RNF216: variants seen among roughly 807,000 people sequenced by gnomAD.
RNF216 encodes the protein E3 ubiquitin-protein ligase RNF216.
Under a neutral mutation model 110.8 loss-of-function variants are expected in RNF216, and 72 were observed. That is an observed-to-expected ratio of 0.65 (90% CI 0.54 to 0.79). The LOEUF (loss-of-function observed/expected upper bound fraction) is 0.79. RNF216 is among the 30% of genes least tolerant of loss of function. RNF216 has a pLI of 0.00. For missense variants in RNF216, 1,342 were observed against 1,141.2 expected (o/e 1.18, Z -2.54); for synonymous variants, 495 against 407.5 (o/e 1.21, Z -2.59).
At chr7:5,671,917 G>T (rs1789945357) in intron 13 of RNF216, among the ~76,000 whole-genome samples, 1 of 151,910 alleles carries the variant, frequency 6.6e-6, no homozygotes, top group Non-Finnish European at 1.5e-5. Flanking sequence ...AAGGAGAGGG[G>T]CCTCACAAGA....
At chr7:5,625,116 C>T (rs1786626805) in intron 15 of RNF216, among the ~76,000 whole-genome samples, 1 of 152,202 alleles carries the variant, frequency 6.6e-6, no homozygotes. Context: ...AGGTGTGGGC[C>T]CGAGGGGGCT....
chr7:5,739,533 A>G (rs1794632469), intron 4 of RNF216, 181 bp from the exon 5 acceptor site: 1 of 692,708 alleles, frequency 1.4e-6, no homozygotes, highest in African/African-American at 1.8e-5. Context: ...TACATAGAAG[A>G]TGAGGTCTAG....
chr7:5,737,367 C>T lies in RNF216; in HGVS notation c.1121+1909G>A, dbSNP rs193091619. 2.6e-5 allele frequency among the ~76,000 whole-genome samples: 4 copies of T among 152,220 alleles called. No individual in the cohort carries two copies. The East Asian group carries it at 7.7e-4, about 29-fold the overall frequency. ...TCACCACTCCCTAATCTCAAGTACC[C>T]AGGGACACAAACACTGCGGAAGACC... On this transcript the variant is annotated intron_variant, in intron 5 of 16. Coordinates refer to ENST00000389902, the MANE Select transcript of RNF216 (RefSeq NM_207111.4).
intron 7 of RNF216, among the ~76,000 whole-genome samples, chr7:5,726,061 G>A (rs1266277248): frequency 6.6e-6 from 1 of 152,100 alleles, no homozygotes. Flanking sequence ...TGGATCACTT[G>A]AGCTTAGGTG....
chr7:5,705,765 G>T (rs1792238825), intron 13 of RNF216, among the ~76,000 whole-genome samples: 2 of 152,094 alleles, frequency 1.3e-5, no homozygotes, highest in South Asian at 4.1e-4. Flanking sequence ...ACATTAGCCG[G>T]GCGTGGTGGC....
chr7:5,737,168 T>C (rs1158517348), intron 5 of RNF216, among the ~76,000 whole-genome samples: 4 of 152,246 alleles, frequency 2.6e-5, no homozygotes, highest in Admixed American at 2.6e-4. Context: ...TCCATTTTGT[T>C]CTGTACTAAG....
At chr7:5,726,815 G>A (rs553772639) in intron 7 of RNF216, among the ~76,000 whole-genome samples, 6 of 151,118 alleles carry the variant, frequency 4.0e-5, no homozygotes, top group South Asian at 4.2e-4. Context: ...CTGAGATCGC[G>A]CCACTGCACT....
At chr7:5,745,594 A>C (rs879655010) in intron 3 of RNF216, among the ~76,000 whole-genome samples, 2 of 152,130 alleles carry the variant, frequency 1.3e-5, no homozygotes, top group Non-Finnish European at 2.9e-5. Flanking sequence ...GATTGAGTAT[A>C]AAATTAATGT....
At chr7:5,715,329 G>T in intron 10 of RNF216, 139 bp from the exon 11 acceptor site, 2 of 726,766 alleles carry the variant, frequency 2.8e-6, no homozygotes, top group South Asian at 1.8e-5. Flanking sequence ...ATAAAACAAT[G>T]ATATGCTGTT....
chr7:5,645,207 G>A (rs991606258), intron 14 of RNF216, among the ~76,000 whole-genome samples: 20 of 151,998 alleles, frequency 1.3e-4, no homozygotes, highest in Non-Finnish European at 2.6e-4. Flanking sequence ...ATGTGTCGTG[G>A]TGTGGACTTC....
chr7:5,620,153 G>C lies in RNF216; in HGVS notation c.*2707C>G, dbSNP rs577154563. 9 of 152,372 alleles carry C rather than the reference G, an allele frequency of 5.9e-5. No individual in the cohort carries two copies. In the South Asian group the frequency reaches 1.9e-3, roughly 32 times the overall value. 9.4% of individuals were successfully genotyped at this position (152,372 alleles called of 1,614,324 possible). A position where few individuals can be genotyped will look rare whatever the true frequency, so the allele number is the denominator to read the frequency against. ...ATTATTTTATCTATTTTTACTACCAGAAGGTAAAGAAAAAGTTTAATGAAC... is the reference window on the plus strand; with the variant it reads ...ATTATTTTATCTATTTTTACTACCACAAGGTAAAGAAAAAGTTTAATGAAC... On this transcript the variant is annotated 3_prime_UTR_variant, in exon 17 of 17. Transcript: ENST00000389902.
chr7:5,690,357 C>G (rs1355782234), intron 13 of RNF216, among the ~76,000 whole-genome samples: 1 of 151,782 alleles, frequency 6.6e-6, no homozygotes, highest in East Asian at 1.9e-4. Context: ...TTTAAAGATC[C>G]TTTTTACTTC....
chr7:5,764,126 G>C (rs1328101818), intron 1 of RNF216, among the ~76,000 whole-genome samples: 2 of 151,918 alleles, frequency 1.3e-5, no homozygotes, highest in Non-Finnish European at 2.9e-5. Flanking sequence ...GGGAGGCAGA[G>C]GTTGTAGAGT....
At chr7:5,631,426 G>T (rs910772279) in intron 15 of RNF216, among the ~76,000 whole-genome samples, 1 of 152,198 alleles carries the variant, frequency 6.6e-6, no homozygotes, top group African/African-American at 2.4e-5. Flanking sequence ...CCAGCACTGA[G>T]GTGAGAGGCT....
intron 13 of RNF216, among the ~76,000 whole-genome samples, chr7:5,681,573 G>C (rs1016753328): frequency 4.6e-5 from 7 of 152,130 alleles, no homozygotes; most frequent in Non-Finnish European, 7.3e-5. Context: ...CCTCCTCCTT[G>C]ATTAACCCTA....
intron 13 of RNF216, among the ~76,000 whole-genome samples, chr7:5,654,686 C>CAAAAAAAAA (rs397891078): frequency 3.8e-5 from 1 of 26,486 alleles, no homozygotes; most frequent in Non-Finnish European, 6.4e-5. Context: ...GACTCCGCCT[C>CAAAAAAAAA]AAAAAAAAAA....
chr7:5,734,569 A>C (rs980247002), intron 5 of RNF216, among the ~76,000 whole-genome samples: 7 of 150,452 alleles, frequency 4.7e-5, no homozygotes, highest in Non-Finnish European at 1.0e-4. Flanking sequence ...AAGGCTTCAG[A>C]AGAGTGAGTA....
chr7:5,631,009 G>C (rs930878623), intron 15 of RNF216, among the ~76,000 whole-genome samples: 9 of 152,180 alleles, frequency 5.9e-5, no homozygotes, highest in African/African-American at 9.7e-5. Flanking sequence ...GCGTGTGTCA[G>C]AGGCAACTGT....
intron 14 of RNF216, among the ~76,000 whole-genome samples, chr7:5,644,170 CTT>C (rs1305910269): frequency 6.6e-6 from 1 of 152,076 alleles, no homozygotes; most frequent in African/African-American, 2.4e-5. Flanking sequence ...TATATGGACA[CTT>C]GTTTTCACTT....
Sources: allele counts gnomAD v4.1 joint callset (sites outside exome capture counted in the v4.1 genomes callset), GRCh38; gene constraint gnomAD v4.1.1; transcripts MANE v1.5; gene names NCBI Gene and HGNC (gene_info 2026-07-23, HGNC 2026-07-21).